GALNTL6: variants seen among roughly 807,000 people sequenced by gnomAD.
GALNTL6 encodes polypeptide N-acetylgalactosaminyltransferase like 6.
In GALNTL6, 46 loss-of-function variants were observed where a neutral mutation model predicts 73.7. The observed-to-expected ratio is 0.62, with a 90% CI of 0.49 to 0.80. The LOEUF is 0.80. Among genes scored for constraint, GALNTL6 ranks in the 30% least tolerant of loss-of-function variants. The probability of loss-of-function intolerance (pLI) is 0.00; values close to 1 mark genes in which losing one functional copy is unlikely to be tolerated. For missense variants in GALNTL6, 604 were observed against 755.0 expected (o/e 0.80, Z 2.34); for synonymous variants, 259 against 263.7 (o/e 0.98, Z 0.17).
intron 2 of GALNTL6, among the ~76,000 whole-genome samples, chr4:172,139,753 GT>G (rs1304682482): frequency 5.3e-5 from 8 of 152,216 alleles, no homozygotes; most frequent in African/African-American, 1.9e-4. Context: ...AATAGATCAT[GT>G]CCCCCTCACG....
At chr4:172,216,021 A>T (rs1419205276) in intron 2 of GALNTL6, among the ~76,000 whole-genome samples, 1 of 152,114 alleles carries the variant, frequency 6.6e-6, no homozygotes, top group Non-Finnish European at 1.5e-5. Context: ...TTCATATGTT[A>T]TATACACCCA....
chr4:172,716,097 G>C (rs1341581962), intron 5 of GALNTL6, among the ~76,000 whole-genome samples: 1 of 109,710 alleles, frequency 9.1e-6, no homozygotes, highest in Non-Finnish European at 1.9e-5. Context: ...TGGGACATTT[G>C]GCAAACTCTA....
intron 2 of GALNTL6, among the ~76,000 whole-genome samples, chr4:172,179,521 A>C (rs1735165609): frequency 7.2e-6 from 1 of 139,376 alleles, no homozygotes; most frequent in Non-Finnish European, 1.5e-5. Flanking sequence ...TTTTCTTGTA[A>C]ATTTGTTGGA....
chr4:172,896,044 G>T (rs556764034), intron 8 of GALNTL6, among the ~76,000 whole-genome samples: 10 of 151,858 alleles, frequency 6.6e-5, no homozygotes, highest in Admixed American at 6.6e-4. Context: ...CTTTAGGTTC[G>T]TTGACTTCCT....
At chr4:172,731,097 G>T (rs1359887229) in intron 5 of GALNTL6, among the ~76,000 whole-genome samples, 2 of 147,338 alleles carry the variant, frequency 1.4e-5, no homozygotes, top group Non-Finnish European at 3.0e-5. Context: ...AAAAAAAAAA[G>T]AGTTTGAGAG....
chr4:172,819,168 T>C (rs186720835), intron 7 of GALNTL6, among the ~76,000 whole-genome samples: 1 of 152,326 alleles, frequency 6.6e-6, no homozygotes, highest in Non-Finnish European at 1.5e-5. Context: ...AAATTCTACC[T>C]CTTTGCTACA....
intron 2 of GALNTL6, among the ~76,000 whole-genome samples, chr4:172,105,961 A>G (rs1272421014): frequency 6.6e-6 from 1 of 152,184 alleles, no homozygotes; most frequent in African/African-American, 2.4e-5. Flanking sequence ...TGGAATTGTA[A>G]AAATGAAAGT....
intron 10 of GALNTL6, among the ~76,000 whole-genome samples, chr4:172,994,082 AAAT>A (rs1199622967): frequency 6.6e-6 from 1 of 152,228 alleles, no homozygotes; most frequent in African/African-American, 2.4e-5. Context: ...AGATTAAATA[AAAT>A]GCTTAAATGA....
intron 4 of GALNTL6, among the ~76,000 whole-genome samples, chr4:172,328,854 T>C (rs925996117): frequency 2.0e-5 from 3 of 152,224 alleles, no homozygotes; most frequent in African/African-American, 7.2e-5. Flanking sequence ...CTGAATTCTG[T>C]TTCTGTCATT....
intron 2 of GALNTL6, among the ~76,000 whole-genome samples, chr4:172,160,911 TAC>T (rs141929757): frequency 2.1e-4 from 14 of 66,174 alleles, no homozygotes; most frequent in African/African-American, 3.5e-4. Flanking sequence ...CACACACACA[TAC>T]ACACACACAC....
chr4:172,706,097 C>T (rs1423893434), intron 5 of GALNTL6, among the ~76,000 whole-genome samples: 1 of 152,016 alleles, frequency 6.6e-6, no homozygotes, highest in Admixed American at 6.6e-5. Flanking sequence ...TGTTAAAGAC[C>T]AATGACTCAG....
At chr4:172,336,518 G>A (rs548136085) in intron 4 of GALNTL6, among the ~76,000 whole-genome samples, 127 of 150,278 alleles carry the variant, frequency 8.5e-4, no homozygotes, top group Non-Finnish European at 1.3e-3. Flanking sequence ...CTCAGGATCC[G>A]CCCACCTCGG....
chr4:172,448,111 T>C (rs1233334403), intron 5 of GALNTL6, among the ~76,000 whole-genome samples: 2 of 152,174 alleles, frequency 1.3e-5, no homozygotes, highest in Non-Finnish European at 2.9e-5. Context: ...CATGGTTATA[T>C]TTTCCTAGGG....
chr4:172,432,449 C>CATCACGCAAACCCTCTG (rs1426750112), intron 5 of GALNTL6, among the ~76,000 whole-genome samples: 1 of 152,000 alleles, frequency 6.6e-6, no homozygotes, highest in Non-Finnish European at 1.5e-5. Context: ...TCCGAAATTA[C>CATCACGCAAACCCTCTG]ATCACGCAAA....
chr4:172,940,759 G>A (rs1449957768), intron 9 of GALNTL6, among the ~76,000 whole-genome samples: 1 of 151,794 alleles, frequency 6.6e-6, no homozygotes, highest in Admixed American at 6.6e-5. Flanking sequence ...CTGCAACCTG[G>A]AACTCCCAAG....
At chr4:172,704,835 G>A (rs544427036) in intron 5 of GALNTL6, among the ~76,000 whole-genome samples, 131 of 152,030 alleles carry the variant, frequency 8.6e-4, no homozygotes, top group African/African-American at 3.0e-3. Flanking sequence ...TTTTAGGTCT[G>A]TTAATATTTG....
intron 2 of GALNTL6, among the ~76,000 whole-genome samples, chr4:171,911,231 C>T (rs1216949514): frequency 6.6e-6 from 1 of 152,180 alleles, no homozygotes; most frequent in Non-Finnish European, 1.5e-5. Context: ...ACGATCCGGG[C>T]CCACTGCAGC....
At chr4:172,364,794 T>G (rs1742496738) in intron 5 of GALNTL6, among the ~76,000 whole-genome samples, 1 of 152,172 alleles carries the variant, frequency 6.6e-6, no homozygotes, top group Admixed American at 6.5e-5. Context: ...GCTCAACTAA[T>G]GGACAGAGTA....
chr4:172,016,080 T>C (rs544823345), intron 2 of GALNTL6, among the ~76,000 whole-genome samples: 2 of 151,846 alleles, frequency 1.3e-5, no homozygotes, highest in African/African-American at 4.8e-5. Context: ...CAGGAGTTCT[T>C]TGAGCTTCTT....
Sources: allele counts gnomAD v4.1 joint callset (sites outside exome capture counted in the v4.1 genomes callset), GRCh38; gene constraint gnomAD v4.1.1; transcripts MANE v1.5; gene names NCBI Gene and HGNC (gene_info 2026-07-23, HGNC 2026-07-21).